Variants in DPP10 observed in about 807,000 individuals in gnomAD.
DPP10 encodes the protein inactive dipeptidyl peptidase 10.
In DPP10, 33 loss-of-function variants were observed where a neutral mutation model predicts 120.9. The observed-to-expected ratio is 0.27, with a 90% CI of 0.21 to 0.37. The LOEUF is 0.37. DPP10 is among the 10% of genes least tolerant of loss of function. The probability of loss-of-function intolerance (pLI) is 1.00; values close to 1 mark genes in which losing one functional copy is unlikely to be tolerated. For synonymous variants in DPP10, 337 were observed against 326.1 expected (o/e 1.03, Z -0.36); for missense variants, 816 against 942.8 (o/e 0.87, Z 1.76).
chr2:115,785,256 C>A (rs1479832743), intron 17 of DPP10, among the ~76,000 whole-genome samples: 1 of 152,144 alleles, frequency 6.6e-6, no homozygotes, highest in South Asian at 2.1e-4. Flanking sequence ...GAATCTTCAC[C>A]CTTGACCTTC....
chr2:115,225,718 ATTC>A (rs2057401361), intron 1 of DPP10, among the ~76,000 whole-genome samples: 1 of 152,116 alleles, frequency 6.6e-6, no homozygotes, highest in African/African-American at 2.4e-5. Context: ...AATTATAGGT[ATTC>A]TTTGTGCTAG....
intron 1 of DPP10, among the ~76,000 whole-genome samples, chr2:114,816,867 G>A (rs1346053776): frequency 6.6e-6 from 1 of 152,178 alleles, no homozygotes; most frequent in Non-Finnish European, 1.5e-5. Context: ...TGCAAACTAT[G>A]AGCCTTCCAT....
intron 2 of DPP10, among the ~76,000 whole-genome samples, chr2:115,329,535 C>T (rs34620456): frequency 0.39 from 59,171 of 151,884 alleles, 14,125 homozygotes; most frequent in Non-Finnish European, 0.53. Flanking sequence ...GTGCTGCACC[C>T]ATTAACTCAT....
At chr2:115,751,122 T>C (rs571331658) in intron 10 of DPP10, among the ~76,000 whole-genome samples, 2 of 152,174 alleles carry the variant, frequency 1.3e-5, no homozygotes, top group Admixed American at 6.5e-5. Flanking sequence ...TCAAATTAAT[T>C]TTTTACTTCA....
In DPP10 at chr2:114,726,814, G is replaced by C. The variant is rs555966997; in HGVS notation, c.60+283976G>C. ...GCAAGGATAAGCTCATTTTTTCCTG[G>C]GAATATTTCATAGAAAGTTGTGCTC... On this transcript the variant is annotated intron_variant, in intron 1 of 25. Coordinates refer to ENST00000410059, the MANE Select transcript of DPP10 (RefSeq NM_020868.6). 1.3e-3 allele frequency among the ~76,000 whole-genome samples: 202 copies of C among 152,042 alleles called. 1 individual carries two copies. Among genetic ancestry groups the C allele is most frequent in the African/African-American group, 4.7e-3 (196 of 41,448 alleles).
intron 1 of DPP10, among the ~76,000 whole-genome samples, chr2:114,744,476 C>T (rs1678372037): frequency 6.6e-6 from 1 of 152,090 alleles, no homozygotes; most frequent in Non-Finnish European, 1.5e-5. Flanking sequence ...GTTAGGATGG[C>T]CTGTGCTAAC....
At chr2:114,532,514 G>T (rs1208267287) in intron 1 of DPP10, among the ~76,000 whole-genome samples, 1 of 151,528 alleles carries the variant, frequency 6.6e-6, no homozygotes. Context: ...TTAGAATATG[G>T]CCAGTGTCTT....
At chr2:115,157,510 T>A (rs193005609) in intron 1 of DPP10, among the ~76,000 whole-genome samples, 1 of 152,300 alleles carries the variant, frequency 6.6e-6, no homozygotes, top group African/African-American at 2.4e-5. Flanking sequence ...GTATCACTTA[T>A]ATATATAGTG....
chr2:114,531,739 C>T (rs528187014), intron 1 of DPP10, among the ~76,000 whole-genome samples: 1 of 151,950 alleles, frequency 6.6e-6, no homozygotes, highest in African/African-American at 2.4e-5. Context: ...GGTATGAAAG[C>T]AAAGAGCTAT....
chr2:114,987,150 A>G (rs1345565065), intron 1 of DPP10, among the ~76,000 whole-genome samples: 1 of 152,170 alleles, frequency 6.6e-6, no homozygotes, highest in Non-Finnish European at 1.5e-5. Context: ...TCATTGAACT[A>G]TACACTTATA....
At chr2:114,617,545 A>G (rs1283306302) in intron 1 of DPP10, among the ~76,000 whole-genome samples, 1 of 152,036 alleles carries the variant, frequency 6.6e-6, no homozygotes. Flanking sequence ...TGTACTTAGG[A>G]CTCATGCTAA....
At chr2:115,555,363 G>T (rs897493447) in intron 5 of DPP10, among the ~76,000 whole-genome samples, 4 of 152,056 alleles carry the variant, frequency 2.6e-5, no homozygotes, top group Non-Finnish European at 5.9e-5. Context: ...GAAAAGAAGT[G>T]AAAAACCTAA....
chr2:115,807,562 A>G (rs1686139428), intron 19 of DPP10, among the ~76,000 whole-genome samples: 1 of 152,192 alleles, frequency 6.6e-6, no homozygotes, highest in South Asian at 2.1e-4. Flanking sequence ...GCATCAGGCT[A>G]AGGAGACAAT....
At chr2:115,605,207 T>C (rs1296486395) in intron 5 of DPP10, among the ~76,000 whole-genome samples, 1 of 152,108 alleles carries the variant, frequency 6.6e-6, no homozygotes, top group Non-Finnish European at 1.5e-5. Context: ...GAATCAATTT[T>C]TGGGATGTCA....
At chr2:115,271,064 C>T (rs1314292218) in intron 1 of DPP10, among the ~76,000 whole-genome samples, 1 of 152,154 alleles carries the variant, frequency 6.6e-6, no homozygotes, top group African/African-American at 2.4e-5. Flanking sequence ...CTTTCCACCA[C>T]ATAATAGCAC....
intron 19 of DPP10, among the ~76,000 whole-genome samples, chr2:115,798,521 G>A (rs964478055): frequency 6.6e-6 from 1 of 152,014 alleles, no homozygotes; most frequent in Non-Finnish European, 1.5e-5. Context: ...TATGAATCAT[G>A]TAAGGCTGTG....
intron 1 of DPP10, among the ~76,000 whole-genome samples, chr2:115,012,449 C>A (rs1337035297): frequency 6.6e-6 from 1 of 152,196 alleles, no homozygotes; most frequent in Non-Finnish European, 1.5e-5. Flanking sequence ...CCTGCTGCCT[C>A]CACCAAAGCA....
At chr2:115,103,269 G>A (rs1030904470) in intron 1 of DPP10, among the ~76,000 whole-genome samples, 1 of 145,840 alleles carries the variant, frequency 6.9e-6, no homozygotes, top group Non-Finnish European at 1.5e-5. Flanking sequence ...CTCACTGCAA[G>A]CTCCCCCTCC....
intron 1 of DPP10, among the ~76,000 whole-genome samples, chr2:115,308,701 T>G (rs1361648509): frequency 3.3e-5 from 5 of 151,280 alleles, no homozygotes; most frequent in East Asian, 3.9e-4. Flanking sequence ...CTGTTTTTTT[T>G]TTTTTTTTTT....
Sources: gnomAD v4.1 joint callset for allele counts (sites outside exome capture counted in the v4.1 genomes callset) on GRCh38, gnomAD v4.1.1 for gene constraint, MANE v1.5 for transcripts, NCBI Gene and HGNC (gene_info 2026-07-23, HGNC 2026-07-21) for gene names.